The following IL1RAPL2 variants were observed in gnomAD, a reference collection of about 807,000 sequenced individuals.
The protein encoded by IL1RAPL2 is X-linked interleukin-1 receptor accessory protein-like 2.
IL1RAPL2 carries 3 observed loss-of-function variants against 44.1 expected under a neutral mutation model. That is an observed-to-expected ratio of 0.07 (90% CI 0.03 to 0.18). The LOEUF (loss-of-function observed/expected upper bound fraction) is 0.18, where lower values mean the gene tolerates loss of function less well. Among genes scored for constraint, IL1RAPL2 ranks in the 10% least tolerant of loss-of-function variants. The pLI is 1.00. For missense variants in IL1RAPL2, 391 were observed against 496.4 expected (o/e 0.79, Z 2.02); for synonymous variants, 181 against 178.8 (o/e 1.01, Z -0.10).
chrX:104,734,381 A>G (rs1447878545), intron 2 of IL1RAPL2, among the ~76,000 whole-genome samples: 3 of 112,649 alleles, frequency 2.7e-5, no homozygotes, highest in African/African-American at 9.7e-5. Context: ...ATAACCCCCA[A>G]TTGGAAACAA....
At chrX:104,865,689 A>C (rs1003290988) in intron 2 of IL1RAPL2, among the ~76,000 whole-genome samples, 4 of 112,428 alleles carry the variant, frequency 3.6e-5, no homozygotes, top group Non-Finnish European at 7.5e-5. Context: ...AGTGTTCCGC[A>C]CTTCATCTTT....
chrX:104,856,948 A>C (rs1045636737), intron 2 of IL1RAPL2, among the ~76,000 whole-genome samples: 9 of 112,404 alleles, frequency 8.0e-5, no homozygotes, highest in Admixed American at 2.8e-4. Flanking sequence ...GGTTATTTCT[A>C]AACAATTCTG....
rs150319950 is a variant in IL1RAPL2, at chrX:104,989,424, A to G, written c.83-206051A>G. Among the ~76,000 whole-genome samples, 7 of 111,737 alleles carry G rather than the reference A, an allele frequency of 6.3e-5. No homozygotes were observed. The East Asian group carries it at 1.7e-3, about 27-fold the overall frequency. Reference sequence around the variant, plus strand: ...AAATAAACGGGATGTGAAGAAGAGTAAAGAATCATATTGTTGGCAAGGATA... The same window carrying G: ...AAATAAACGGGATGTGAAGAAGAGTGAAGAATCATATTGTTGGCAAGGATA... On this transcript the variant is annotated intron_variant, in intron 2 of 10. Coordinates refer to ENST00000372582, the MANE Select transcript of IL1RAPL2 (RefSeq NM_017416.2).
In IL1RAPL2 at chrX:104,741,603, T is replaced by C. The variant is rs144210750; in HGVS notation, c.82+82608T>C. On this transcript the variant is annotated intron_variant, in intron 2 of 10. Coordinates refer to ENST00000372582, the MANE Select transcript of IL1RAPL2 (RefSeq NM_017416.2). Reference sequence around the variant, plus strand: ...AATTTGTAATAACATCTATAAATTTTTGTTTGTAATATTTATAAACATTTC... The same window carrying C: ...AATTTGTAATAACATCTATAAATTTCTGTTTGTAATATTTATAAACATTTC... Among the ~76,000 whole-genome samples the C allele has an allele frequency of 6.5e-3, 721 of 111,300 alleles. 3 individuals carry two copies. Among genetic ancestry groups the C allele is most frequent in the African/African-American group, 0.022 (690 of 30,758 alleles).
chrX:105,062,109 TC>T (rs779004626), intron 2 of IL1RAPL2, among the ~76,000 whole-genome samples: 1 of 111,556 alleles, frequency 9.0e-6, no homozygotes, highest in Non-Finnish European at 1.9e-5. Flanking sequence ...CTTCCTTCTT[TC>T]CTTCCTTCCT....
intron 5 of IL1RAPL2, chrX:105,406,814 T>C: frequency 8.7e-7 from 1 of 1,154,832 alleles, no homozygotes; most frequent in Non-Finnish European, 1.2e-6. Flanking sequence ...CTGAAAGGTG[T>C]GGATATGGAA....
intron 2 of IL1RAPL2, among the ~76,000 whole-genome samples, chrX:104,933,724 T>TA (rs1311933709): frequency 9.0e-6 from 1 of 111,596 alleles, no homozygotes; most frequent in Non-Finnish European, 1.9e-5. Flanking sequence ...GAAGGTGTAT[T>TA]AATGAAATCA....
chrX:105,046,830 T>TC (rs1015000632), intron 2 of IL1RAPL2, among the ~76,000 whole-genome samples: 1 of 99,852 alleles, frequency 1.0e-5, no homozygotes, highest in Non-Finnish European at 2.0e-5. Flanking sequence ...CCTTTTTTTT[T>TC]TTTTTTGGGG....
At chrX:105,343,595 A>G (rs1055209942) in intron 5 of IL1RAPL2, among the ~76,000 whole-genome samples, 3 of 112,140 alleles carry the variant, frequency 2.7e-5, no homozygotes, top group African/African-American at 9.7e-5. Flanking sequence ...ACCATAGTAA[A>G]TAACTATTTG....
intron 1 of IL1RAPL2, among the ~76,000 whole-genome samples, chrX:104,593,255 T>C (rs1399119514): frequency 9.0e-6 from 1 of 111,709 alleles, no homozygotes; most frequent in East Asian, 2.8e-4. Flanking sequence ...AATAGCAATT[T>C]AAAAGGGAAT....
intron 3 of IL1RAPL2, among the ~76,000 whole-genome samples, chrX:105,204,196 T>G (rs1206922631): frequency 1.8e-5 from 2 of 111,796 alleles, no homozygotes; most frequent in Non-Finnish European, 3.8e-5. Context: ...CATTTGAGCA[T>G]TCAGTAGTAG....
intron 2 of IL1RAPL2, among the ~76,000 whole-genome samples, chrX:105,093,636 A>G (rs953705152): frequency 3.6e-5 from 4 of 111,951 alleles, no homozygotes; most frequent in African/African-American, 1.3e-4. Context: ...AACCAGAGTA[A>G]GCCTAGCGAA....
intron 2 of IL1RAPL2, among the ~76,000 whole-genome samples, chrX:105,145,786 A>C (rs990609387): frequency 9.0e-6 from 1 of 111,398 alleles, no homozygotes; most frequent in Non-Finnish European, 1.9e-5. Context: ...CTCATATCCT[A>C]AAAAATCCAA....
At chrX:105,410,717 A>C (rs923697731) in intron 5 of IL1RAPL2, among the ~76,000 whole-genome samples, 1 of 112,030 alleles carries the variant, frequency 8.9e-6, no homozygotes, top group Non-Finnish European at 1.9e-5. Context: ...CCCTGAGAGA[A>C]GGAAAGACTG....
At chrX:104,970,285 T>C (rs1220739546) in intron 2 of IL1RAPL2, among the ~76,000 whole-genome samples, 3 of 112,023 alleles carry the variant, frequency 2.7e-5, no homozygotes, top group Non-Finnish European at 5.6e-5. Flanking sequence ...ATTATTGATA[T>C]AATTGATACA....
intron 5 of IL1RAPL2, among the ~76,000 whole-genome samples, chrX:105,434,928 A>G (rs2035871356): frequency 8.9e-6 from 1 of 111,855 alleles, no homozygotes; most frequent in Non-Finnish European, 1.9e-5. Context: ...TTTTCTGCAT[A>G]TGACTAGCCA....
chrX:105,008,436 T>C (rs1321802078), intron 2 of IL1RAPL2, among the ~76,000 whole-genome samples: 1 of 111,295 alleles, frequency 9.0e-6, no homozygotes, highest in Non-Finnish European at 1.9e-5. Flanking sequence ...AATTTTTTTT[T>C]CAGTTTCATA....
intron 5 of IL1RAPL2, among the ~76,000 whole-genome samples, chrX:105,332,027 A>G (rs1003125912): frequency 1.9e-4 from 21 of 109,715 alleles, no homozygotes; most frequent in African/African-American, 7.0e-4. Context: ...GACAACAAGT[A>G]GGCAGGAAGG....
intron 2 of IL1RAPL2, among the ~76,000 whole-genome samples, chrX:104,963,694 A>G (rs1412692205): frequency 9.0e-6 from 1 of 111,399 alleles, no homozygotes; most frequent in Non-Finnish European, 1.9e-5. Context: ...ATTGGGTCAG[A>G]AGATAAACAA....
Sources: allele counts gnomAD v4.1 joint callset (sites outside exome capture counted in the v4.1 genomes callset), GRCh38; gene constraint gnomAD v4.1.1; transcripts MANE v1.5; gene names NCBI Gene and HGNC (gene_info 2026-07-23, HGNC 2026-07-21).